The following NOS3 variants were observed in gnomAD, a reference collection of about 807,000 sequenced individuals.
NOS3 encodes nitric oxide synthase 3.
In NOS3, 98 loss-of-function variants were observed where a neutral mutation model predicts 144.9. That is an observed-to-expected ratio of 0.68 (90% confidence interval 0.57 to 0.80). The LOEUF (loss-of-function observed/expected upper bound fraction) is 0.80, where lower values mean the gene tolerates loss of function less well. Among genes scored for constraint, NOS3 ranks in the 30% least tolerant of loss-of-function variants. The pLI is 0.00. For missense variants in NOS3, 1,465 were observed against 1,656.4 expected, an observed-to-expected ratio of 0.88 and a Z score of 2.01; for synonymous variants, 714 against 702.4, an observed-to-expected ratio of 1.02 and a Z score of -0.26.
chr7:151,010,008 G>C (rs1437471953), intron 20 of NOS3, 107 bp from the exon 21 acceptor site: 10 of 736,444 alleles, frequency 1.4e-5, no homozygotes, highest in Non-Finnish European at 2.1e-5. Flanking sequence ...GGCCGACCCC[G>C]CTGCTCAAGG....
Position 150,998,681 on chromosome 7 carries a change from G to T in NOS3, c.816+1G>T, listed in dbSNP as rs1453998715. 6.2e-7 allele frequency: 1 copy of T among 1,604,898 alleles called. No homozygotes were observed. The highest frequency in any genetic ancestry group is 8.5e-7 in the Non-Finnish European group (1 of 1,177,096). ...CCCAGCCAACGTGGAGATCACCGAG[G>T]TGGGCACCGAGGGCCACCCATGAGG... is the stretch of plus-strand genomic sequence containing the variant. On this transcript the variant is annotated splice_donor_variant, in intron 7 of 26. Transcript: ENST00000297494. LOFTEE classifies it high-confidence loss of function. This position sits in a 1 kb window ranked among gnomAD's most constrained non-coding sequence, Gnocchi z 5.0.
At chr7:151,007,911 C>G (rs1045469509) in intron 17 of NOS3, among the ~76,000 whole-genome samples, 1 of 151,968 alleles carries the variant, frequency 6.6e-6, no homozygotes, top group Non-Finnish European at 1.5e-5. Flanking sequence ...TGCTGCTGTC[C>G]CGGGGCCCAG....
chr7:151,001,974 G>A lies in NOS3; in HGVS notation c.1647+9G>A, dbSNP rs1022829755. ...AGGCTTTTGATCCCCGGGTAGGGCT[G>A]AGCCCAGGGGAGCAGGGAGCTAGAA... On this transcript the variant is annotated intron_variant, in intron 13 of 26. Coordinates refer to ENST00000297494, the MANE Select transcript of NOS3 (RefSeq NM_000603.5). The A allele has an allele frequency of 1.2e-6, 2 of 1,612,842 alleles. No individual in the cohort carries two copies. Among genetic ancestry groups the A allele is most frequent in the African/African-American group, 2.7e-5 (2 of 74,930 alleles).
In NOS3 at chr7:151,000,607, G is replaced by A. The variant is rs780122605; in HGVS notation, c.1233+8G>A. On this transcript the variant is annotated splice_region_variant and intron_variant, in intron 10 of 26. Coordinates refer to ENST00000297494, the MANE Select transcript of NOS3 (RefSeq NM_000603.5). ...GTGCTGCACAGTTACCAGGTGCAGA[G>A]GCCCAGACTGGCCAGGAAGGCAAAG... 1.9e-6 allele frequency: 3 copies of A among 1,584,304 alleles called. No homozygotes were observed. The highest frequency in any genetic ancestry group is 1.7e-5 in the Admixed American group (1 of 59,934).
Position 150,993,731 on chromosome 7 carries a change from C to T in NOS3, c.-51-22C>T, listed in dbSNP as rs1202724383. ...GCCCCCTCCCACTGCCCCCTCCTCT[C>T]GGTCCCCTCCCTCTTCCTAAGGAAA... On this transcript the variant is annotated intron_variant, in intron 1 of 26. Coordinates refer to ENST00000297494, the MANE Select transcript of NOS3 (RefSeq NM_000603.5). This position sits in a 1 kb window ranked among gnomAD's most constrained non-coding sequence, Gnocchi z 4.0. 16 of 1,490,086 alleles carry T rather than the reference C, an allele frequency of 1.1e-5. No individual in the cohort carries two copies. The highest frequency in any genetic ancestry group is 9.1e-5 in the South Asian group (7 of 76,694). 92.3% of individuals were successfully genotyped at this position (1,490,086 alleles called of 1,614,324 possible).
chr7:151,010,377 C>A, intron 21 of NOS3, 90 bp downstream of exon 21: 1 of 1,290,908 alleles, frequency 7.7e-7, no homozygotes, highest in Non-Finnish European at 1.1e-6. Context: ...TGCAAAGTCC[C>A]CCCTGGACTT....
In NOS3 at chr7:151,001,322, C is replaced by A; in HGVS notation, c.1325C>A (p.Pro442His). 6.2e-7 allele frequency: 1 copy of A among 1,613,736 alleles called. No homozygotes were observed. The highest frequency in any genetic ancestry group is 8.5e-7 in the Non-Finnish European group (1 of 1,179,920). Residue 442 changes from proline (P) to histidine (H), a missense_variant, in exon 11 of 27, where the codon CCT (proline) becomes CAT (histidine). Pro to His is a moderately conservative substitution (Grantham distance 77). Around this residue, in one of 5 missense-constraint regions of NOS3, gnomAD observed 745 missense variants for 853.9 expected, o/e 0.87. Transcript: ENST00000297494. ...ENEQKARGGC[P>H]ADWAWIVPPI... is the part of the protein sequence containing the mutation. ...GAGCAGAAGGCCAGGGGGGGCTGCC[C>A]TGCAGACTGGGCCTGGATCGTGCCC... is the stretch of plus-strand genomic sequence containing the variant.
intron 25 of NOS3, 119 bp from the exon 26 acceptor site, chr7:151,013,605 C>T (rs1262439015): frequency 2.9e-6 from 3 of 1,050,848 alleles, no homozygotes; most frequent in East Asian, 5.4e-5. Flanking sequence ...CGCCCCAGGG[C>T]ACGCAGGCCC....
chr7:151,012,218 G>GTTTTT, intron 23 of NOS3, 133 bp from the exon 24 acceptor site: 1 of 522,028 alleles, frequency 1.9e-6, no homozygotes, highest in Non-Finnish European at 3.1e-6. Flanking sequence ...GTTGTTTTTT[G>GTTTTT]TTTTTTGTTT....
At chr7:151,008,000 C>T (rs1433012774) in intron 17 of NOS3, among the ~76,000 whole-genome samples, 2 of 152,018 alleles carry the variant, frequency 1.3e-5, no homozygotes, top group East Asian at 1.9e-4. Context: ...ACCTCAGGGA[C>T]GGGGAGGTCA....
chr7:151,005,799 C>T (rs1032553816), intron 14 of NOS3, among the ~76,000 whole-genome samples: 4 of 152,156 alleles, frequency 2.6e-5, no homozygotes, highest in South Asian at 2.1e-4. Flanking sequence ...AAGTCCAGGC[C>T]GGAGGATCGC....
chr7:151,008,886 C>A, intron 17 of NOS3, 44 bp from the exon 18 acceptor site: 5 of 1,565,354 alleles, frequency 3.2e-6, no homozygotes, highest in Non-Finnish European at 3.5e-6. Context: ...TAGGGCGACC[C>A]CTGGTGGCGG....
In NOS3 at chr7:150,998,536, C is replaced by T; in HGVS notation, c.675-3C>T. On this transcript the variant is annotated splice_region_variant and splice_polypyrimidine_tract_variant and intron_variant, in intron 6 of 26. Transcript: ENST00000297494. The surrounding 1 kb of genome is among the most constrained non-coding windows in gnomAD (Gnocchi z 5.0). ...TGACCAGCTCTTTCCCCATGCGTGC[C>T]AGCTCGGCCATCACAGTGTTCCCGC... 6.2e-7 allele frequency: 1 copy of T among 1,610,746 alleles called. No individual in the cohort carries two copies.
rs1802473176 is a variant in NOS3 at position 150,998,088 on chromosome 7, C to G, written c.583-269C>G. On this transcript the variant is annotated intron_variant, in intron 5 of 26. Transcript: ENST00000297494. The surrounding 1 kb of genome is among the most constrained non-coding windows in gnomAD (Gnocchi z 5.0). The stretch of plus-strand genomic sequence containing the variant: ...ACCCAAGCATCAGTTTGGCAGAGGC[C>G]GAGTCCCTCCTCTGTACTGGATACC... Among the ~76,000 whole-genome samples the G allele has an allele frequency of 6.6e-6, 1 of 152,174 alleles. No homozygotes were observed. Among genetic ancestry groups the G allele is most frequent in the Non-Finnish European group, 1.5e-5 (1 of 68,034 alleles).
chr7:150,996,767 G>A lies in NOS3; in HGVS notation c.424G>A (p.Gly142Ser), dbSNP rs201297780. Residue 142 changes from glycine to serine, a missense_variant, in exon 5 of 27, where the codon GGC becomes AGC. Transcript: ENST00000297494. ...NQYYSSIKRS[G>S]SQAHEQRLQE... ...TCCCACCCCTCTCCTCCCCAGGAGC[G>A]GCTCCCAGGCCCACGAACAGCGGCT... 24 of 1,611,816 alleles carry A rather than the reference G, an allele frequency of 1.5e-5. No homozygotes were observed. The highest frequency in any genetic ancestry group is 7.7e-5 in the South Asian group (7 of 90,912).
intron 23 of NOS3, among the ~76,000 whole-genome samples, chr7:151,011,628 AT>A (rs944032086): frequency 1.1e-4 from 15 of 137,942 alleles, no homozygotes; most frequent in African/African-American, 2.1e-4. Context: ...AAAAAAAAAA[AT>A]ATTCTCCTGT....
chr7:150,996,566 G>T lies in NOS3; in HGVS notation c.419+14G>T. 2 of 1,581,356 alleles carry T rather than the reference G, an allele frequency of 1.3e-6. No homozygotes were observed. The highest frequency in any genetic ancestry group is 1.7e-6 in the Non-Finnish European group (2 of 1,163,164). ...CTCCATTAAGAGGTGACAGCTTCCC[G>T]GACGCCACAGCCTCCCTTGTCCCAC... On this transcript the variant is annotated intron_variant, in intron 4 of 26. Coordinates refer to ENST00000297494, the MANE Select transcript of NOS3 (RefSeq NM_000603.5).
rs1040199580 is a variant in NOS3 at position 151,014,361 on chromosome 7, C to G, written c.*192C>G. The G allele has an allele frequency of 2.4e-5, 15 of 629,088 alleles. No individual in the cohort carries two copies. The African/African-American group carries it at 2.4e-4, about 10-fold the overall frequency. The allele number at this position is 629,088 out of a possible 1,614,324, so 39.0% of individuals were successfully genotyped here. A position where few individuals can be genotyped will look rare whatever the true frequency, so the allele number is the denominator to read the frequency against. On this transcript the variant is annotated 3_prime_UTR_variant, in exon 27 of 27. Transcript: ENST00000297494. ...TTTTCCCTCTCTAGGCCTGTTGCCT[C>G]GGGCCTGGGTCCGCCTTAATCTGGA...
chr7:151,013,888 C>G lies in NOS3; in HGVS notation c.3420C>G (p.Asp1140Glu), dbSNP rs758026328. 3.7e-6 allele frequency: 6 copies of G among 1,600,176 alleles called. No individual in the cohort carries two copies. The highest frequency in any genetic ancestry group is 3.4e-6 in the Non-Finnish European group (4 of 1,173,718). The change falls in exon 26 of 27, where the codon GAC becomes GAG. Residue 1140 changes from aspartate (D) to glutamate (E), a missense_variant. By Grantham distance (45) the Asp-to-Glu change is conservative (BLOSUM62 2). Around this residue, in one of 5 missense-constraint regions of NOS3, gnomAD observed 228 missense variants for 227.7 expected, o/e 1.00. Coordinates refer to ENST00000297494, the MANE Select transcript of NOS3 (RefSeq NM_000603.5). ...CGACGGAGGGCGACATGGAGCTGGA[C>G]GAGGCCGGCGACGTCATCGGCGTGC... ...ILATEGDMEL[D>E]EAGDVIGVLR...
Sources: allele counts gnomAD v4.1 joint callset (sites outside exome capture counted in the v4.1 genomes callset), GRCh38; gene constraint gnomAD v4.1.1; regional missense constraint gnomAD v4.1.1; non-coding constraint Gnocchi (gnomAD v3.1); transcripts MANE v1.5; gene names NCBI Gene and HGNC (gene_info 2026-07-23, HGNC 2026-07-21).